THSD7B: variants seen among roughly 807,000 people sequenced by gnomAD.
THSD7B encodes thrombospondin type 1 domain containing 7B, also known as thrombospondin type-1 domain-containing protein 7B.
In THSD7B, 138 loss-of-function variants were observed where a neutral mutation model predicts 213.6. The ratio of observed to expected loss-of-function variants is 0.65; its 90% confidence interval spans 0.56 to 0.74. The LOEUF is 0.74. Among genes scored for constraint, THSD7B ranks in the 30% least tolerant of loss-of-function variants. THSD7B has a pLI of 0.00. For missense variants in THSD7B, 1,931 were observed against 1,991.5 expected, an observed-to-expected ratio of 0.97 and a Z score of 0.58; for synonymous variants, 742 against 687.0, an observed-to-expected ratio of 1.08 and a Z score of -1.25.
intron 17 of THSD7B, among the ~76,000 whole-genome samples, chr2:137,591,006 A>G (rs1375298760): frequency 6.6e-6 from 1 of 151,374 alleles, no homozygotes; most frequent in African/African-American, 2.4e-5. Context: ...TTTCTGATAC[A>G]CTTTAAAAAT....
intron 2 of THSD7B, among the ~76,000 whole-genome samples, chr2:136,963,150 G>A (rs539851291): frequency 2.7e-4 from 41 of 152,230 alleles, no homozygotes; most frequent in African/African-American, 8.9e-4. Flanking sequence ...TCTCTTTCCT[G>A]GCCCAACTCT....
chr2:137,412,004 T>C, intron 14 of THSD7B, 132 bp downstream of exon 14: 1 of 1,053,582 alleles, frequency 9.5e-7, no homozygotes, highest in South Asian at 1.7e-5. Context: ...ACACATTGTC[T>C]CTCATAAAAT....
chr2:137,040,717 A>G lies in THSD7B; in HGVS notation c.140-15703A>G, dbSNP rs1430371473. On this transcript the variant is annotated intron_variant, in intron 2 of 27. Coordinates refer to ENST00000409968, the MANE Select transcript of THSD7B (RefSeq NM_001316349.2). ...AGAGGTAGCTATATTTCTTTCTGAG[A>G]CCTGTAGATCTCACACTCAGTGTAC... Among the ~76,000 whole-genome samples the G allele has an allele frequency of 3.9e-5, 6 of 152,188 alleles. No individual in the cohort carries two copies. The East Asian group carries it at 1.2e-3, about 30-fold the overall frequency.
At chr2:136,861,140 T>C (rs1683253700) in intron 1 of THSD7B, among the ~76,000 whole-genome samples, 1 of 152,204 alleles carries the variant, frequency 6.6e-6, no homozygotes, top group East Asian at 1.9e-4. Context: ...GGCTGGCAAT[T>C]TGGGTAGCAT....
intron 1 of THSD7B, among the ~76,000 whole-genome samples, chr2:136,819,861 C>A (rs1033554644): frequency 5.3e-5 from 8 of 152,106 alleles, no homozygotes; most frequent in Non-Finnish European, 1.0e-4. Flanking sequence ...GATCACTCTG[C>A]TTCAGCTAAG....
chr2:137,261,549 G>A (rs1464871631), intron 10 of THSD7B, among the ~76,000 whole-genome samples: 1 of 152,086 alleles, frequency 6.6e-6, no homozygotes, highest in African/African-American at 2.4e-5. Context: ...CAGGTTTACT[G>A]ATTCTAAAAA....
At position 137,059,220 on chromosome 2, in the gene THSD7B, C is replaced by T. The variant is rs548972326; in HGVS notation, c.950+1990C>T. On this transcript the variant is annotated intron_variant, in intron 3 of 27. Transcript: ENST00000409968. ...TGTCTCTTCTTATAAGGTCACCAAT[C>T]CTATCACAAGGGCTCCACTCTCATG... 1.6e-4 allele frequency among the ~76,000 whole-genome samples: 25 copies of T among 152,152 alleles called. No individual in the cohort carries two copies. In the East Asian group the frequency reaches 4.7e-3, roughly 28 times the overall value.
chr2:136,991,744 A>G (rs144463066), intron 2 of THSD7B, among the ~76,000 whole-genome samples: 82 of 152,212 alleles, frequency 5.4e-4, no homozygotes, highest in Admixed American at 9.8e-4. Flanking sequence ...CTCATAGCCA[A>G]TTCTTTCATC....
intron 12 of THSD7B, among the ~76,000 whole-genome samples, chr2:137,361,129 G>A (rs1481605407): frequency 1.3e-5 from 2 of 152,166 alleles, no homozygotes; most frequent in Non-Finnish European, 2.9e-5. Context: ...CAGACCTGTA[G>A]CTGAGGGACC....
chr2:137,513,133 C>T (rs771019108), intron 15 of THSD7B, among the ~76,000 whole-genome samples: 15 of 152,154 alleles, frequency 9.9e-5, no homozygotes, highest in African/African-American at 1.2e-4. Context: ...GCCTTTGGGG[C>T]GTATTTGTCA....
At chr2:136,910,479 A>T (rs115675015) in intron 2 of THSD7B, among the ~76,000 whole-genome samples, 2,163 of 152,330 alleles carry the variant, frequency 0.014, 65 homozygotes, top group African/African-American at 0.049. Context: ...ATATTTAAAA[A>T]ATGTGTTGTT....
intron 1 of THSD7B, among the ~76,000 whole-genome samples, chr2:136,826,188 C>A (rs1464347780): frequency 6.6e-6 from 1 of 152,084 alleles, no homozygotes; most frequent in East Asian, 1.9e-4. Context: ...GAATTGGACT[C>A]TAATGACATA....
intron 9 of THSD7B, among the ~76,000 whole-genome samples, chr2:137,237,026 C>G (rs7566711): frequency 0.41 from 62,066 of 150,808 alleles, 13,473 homozygotes; most frequent in African/African-American, 0.56. Flanking sequence ...CAGGAGAATC[C>G]CTTGAACCTG....
intron 2 of THSD7B, among the ~76,000 whole-genome samples, chr2:137,048,975 A>C (rs1687015817): frequency 6.6e-6 from 1 of 152,160 alleles, no homozygotes; most frequent in South Asian, 2.1e-4. Flanking sequence ...TTTACTCTTT[A>C]TTGCCATTTC....
chr2:137,246,653 T>G (rs1365026677), intron 10 of THSD7B, among the ~76,000 whole-genome samples: 1 of 152,176 alleles, frequency 6.6e-6, no homozygotes, highest in African/African-American at 2.4e-5. Flanking sequence ...TCAATGATAG[T>G]CTCATATTTT....
chr2:137,267,737 G>A (rs188067318), intron 10 of THSD7B, among the ~76,000 whole-genome samples: 16 of 152,274 alleles, frequency 1.1e-4, no homozygotes, highest in African/African-American at 3.4e-4. Flanking sequence ...ATATGCATAC[G>A]TAAAATGCCC....
intron 1 of THSD7B, among the ~76,000 whole-genome samples, chr2:136,803,128 C>A (rs1450876329): frequency 6.6e-6 from 1 of 151,812 alleles, no homozygotes; most frequent in Non-Finnish European, 1.5e-5. Context: ...TGGATCAAGT[C>A]ATATTTCCTG....
intron 4 of THSD7B, among the ~76,000 whole-genome samples, chr2:137,107,672 G>T (rs1232192436): frequency 6.6e-6 from 1 of 152,108 alleles, no homozygotes; most frequent in Non-Finnish European, 1.5e-5. Context: ...CTATTACTGA[G>T]GTATTATTTC....
intron 2 of THSD7B, among the ~76,000 whole-genome samples, chr2:137,026,585 G>A (rs1221013026): frequency 6.6e-6 from 1 of 152,036 alleles, no homozygotes; most frequent in Non-Finnish European, 1.5e-5. Context: ...TCAATGTTGT[G>A]TGTCTATCTC....
Sources: allele counts gnomAD v4.1 joint callset (sites outside exome capture counted in the v4.1 genomes callset), GRCh38; gene constraint gnomAD v4.1.1; transcripts MANE v1.5; gene names NCBI Gene and HGNC (gene_info 2026-07-23, HGNC 2026-07-21).